KIAA1217: variants seen among roughly 807,000 people sequenced by gnomAD.
KIAA1217 encodes the protein sickle tail protein homolog.
KIAA1217 carries 88 observed loss-of-function variants against 163.9 expected under a neutral mutation model. The ratio of observed to expected loss-of-function variants is 0.54; its 90% CI spans 0.45 to 0.64. KIAA1217 has a LOEUF of 0.64. KIAA1217 is among the 30% of genes least tolerant of loss of function. The probability of loss-of-function intolerance (pLI) is 0.00; values close to 1 mark genes in which losing one functional copy is unlikely to be tolerated. For synonymous variants in KIAA1217, 903 were observed against 923.1 expected (o/e 0.98, Z 0.39); for missense variants, 2,372 against 2,475.0 (o/e 0.96, Z 0.88).
intron 1 of KIAA1217, among the ~76,000 whole-genome samples, chr10:23,808,264 G>A (rs1350821588): frequency 6.6e-6 from 1 of 152,194 alleles, no homozygotes; most frequent in Non-Finnish European, 1.5e-5. Flanking sequence ...TGAAGGTGAA[G>A]TCACACTAAA....
chr10:23,859,099 T>C (rs949266723), intron 1 of KIAA1217, among the ~76,000 whole-genome samples: 2 of 152,226 alleles, frequency 1.3e-5, no homozygotes, highest in East Asian at 3.8e-4. Context: ...CCACATGTAA[T>C]GTGTGTGTGA....
chr10:24,323,252 T>G (rs1227703173), intron 2 of KIAA1217, among the ~76,000 whole-genome samples: 1 of 152,158 alleles, frequency 6.6e-6, no homozygotes, highest in Non-Finnish European at 1.5e-5. Flanking sequence ...CTTCAGCCCT[T>G]TTGTTTCTTC....
chr10:23,994,311 G>A (rs1423605033), intron 1 of KIAA1217, among the ~76,000 whole-genome samples: 1 of 152,254 alleles, frequency 6.6e-6, no homozygotes, highest in East Asian at 1.9e-4. Context: ...TTTGAGGGAT[G>A]GGGATTAGGT....
chr10:24,085,636 C>T (rs1350299154), intron 2 of KIAA1217, among the ~76,000 whole-genome samples: 1 of 151,784 alleles, frequency 6.6e-6, no homozygotes, highest in Non-Finnish European at 1.5e-5. Context: ...AGCCTCTTCA[C>T]CCCATACCAC....
chr10:24,495,702 G>A (rs780033900), intron 8 of KIAA1217, among the ~76,000 whole-genome samples: 13 of 152,192 alleles, frequency 8.5e-5, no homozygotes, highest in Non-Finnish European at 1.8e-4. Context: ...TGAAGCCATC[G>A]GAAGGTTGTA....
intron 2 of KIAA1217, among the ~76,000 whole-genome samples, chr10:24,171,110 A>G (rs1185103213): frequency 6.6e-6 from 1 of 152,270 alleles, no homozygotes; most frequent in Admixed American, 6.5e-5. Flanking sequence ...GGCATCAAGC[A>G]CTTCATTCAC....
intron 2 of KIAA1217, among the ~76,000 whole-genome samples, chr10:24,039,418 A>T (rs1848532795): frequency 6.6e-6 from 1 of 152,160 alleles, no homozygotes; most frequent in African/African-American, 2.4e-5. Context: ...GGCTAGTGAT[A>T]TACAACGCAA....
At chr10:24,109,623 A>C (rs115616763) in intron 2 of KIAA1217, among the ~76,000 whole-genome samples, 3,497 of 152,240 alleles carry the variant, frequency 0.023, 130 homozygotes, top group African/African-American at 0.08. Context: ...GGGAAATTGA[A>C]GAGTGTTAAA....
intron 2 of KIAA1217, among the ~76,000 whole-genome samples, chr10:24,037,308 AAATAAAAAATAAAAAG>A (rs1434814405): frequency 6.6e-6 from 1 of 152,082 alleles, no homozygotes; most frequent in African/African-American, 2.4e-5. Context: ...TCTACTAAAA[AAATAAAAAATAAAAAG>A]AATAAAAAAT....
At chr10:24,514,835 CA>C (rs530514495) in intron 10 of KIAA1217, among the ~76,000 whole-genome samples, 3 of 150,680 alleles carry the variant, frequency 2.0e-5, no homozygotes, top group Non-Finnish European at 4.4e-5. Context: ...ACTAAAAATA[CA>C]AAAAAAATAG....
At chr10:23,972,881 C>T (rs924234373) in intron 1 of KIAA1217, among the ~76,000 whole-genome samples, 1 of 152,134 alleles carries the variant, frequency 6.6e-6, no homozygotes, top group African/African-American at 2.4e-5. Flanking sequence ...ACTGCATGTT[C>T]TCACTCATAA....
intron 2 of KIAA1217, among the ~76,000 whole-genome samples, chr10:24,316,120 A>C (rs2080003329): frequency 6.6e-6 from 1 of 152,116 alleles, no homozygotes; most frequent in Non-Finnish European, 1.5e-5. Flanking sequence ...TATCCTGATA[A>C]TATATGAAAC....
chr10:24,318,184 GAGGT>G (rs545853534), intron 2 of KIAA1217, among the ~76,000 whole-genome samples: 135 of 152,248 alleles, frequency 8.9e-4, no homozygotes, highest in African/African-American at 3.0e-3. Context: ...TTAGATTAGA[GAGGT>G]AGGTAGGTAG....
In KIAA1217 at chr10:24,543,438, A is replaced by C; in HGVS notation, c.4168A>C (p.Thr1390Pro). ...TDNIAFMITE[T>P]TVQVLSSGEV... The stretch of plus-strand genomic sequence containing the variant: ...CAATATTGCCTTCATGATTACCGAA[A>C]CCACTGTCCAGGTTCTTTCCAGTGG... Residue 1390 changes from threonine to proline, a missense_variant, in exon 19 of 21, where the codon ACC (threonine) becomes CCC (proline). Transcript: ENST00000376454. 2 of 1,614,116 alleles carry C rather than the reference A, an allele frequency of 1.2e-6. No homozygotes were observed. The highest frequency in any genetic ancestry group is 2.2e-5 in the South Asian group (2 of 91,074).
intron 1 of KIAA1217, among the ~76,000 whole-genome samples, chr10:23,987,603 T>TTGTGTGTG (rs568995756): frequency 8.2e-6 from 1 of 121,272 alleles, no homozygotes; most frequent in East Asian, 2.2e-4. Context: ...ACATTCTTAT[T>TTGTGTGTG]TGTGTGTGTG....
At chr10:24,117,115 G>A (rs894058225) in intron 2 of KIAA1217, among the ~76,000 whole-genome samples, 8 of 151,774 alleles carry the variant, frequency 5.3e-5, no homozygotes, top group African/African-American at 9.7e-5. Context: ...TCGGCTCACC[G>A]CAACCTCCAC....
chr10:24,386,371 G>C (rs559015479), intron 3 of KIAA1217, among the ~76,000 whole-genome samples: 1 of 152,214 alleles, frequency 6.6e-6, no homozygotes, highest in East Asian at 1.9e-4. Flanking sequence ...GGAATTTAAG[G>C]AAAAGAAGGC....
intron 2 of KIAA1217, among the ~76,000 whole-genome samples, chr10:24,020,442 TG>T (rs1847683309): frequency 1.3e-5 from 2 of 151,976 alleles, no homozygotes. Context: ...CTCATTTGGG[TG>T]GGCAGTGGAC....
At chr10:24,360,613 A>T (rs892796261) in intron 2 of KIAA1217, among the ~76,000 whole-genome samples, 3 of 152,208 alleles carry the variant, frequency 2.0e-5, no homozygotes, top group Non-Finnish European at 4.4e-5. Flanking sequence ...AAAAGCAATC[A>T]GTTGACCTGT....
Sources: gnomAD v4.1 joint callset for allele counts (sites outside exome capture counted in the v4.1 genomes callset) on GRCh38, gnomAD v4.1.1 for gene constraint, MANE v1.5 for transcripts, NCBI Gene and HGNC (gene_info 2026-07-23, HGNC 2026-07-21) for gene names.